Variants in DOCK11 observed in about 807,000 individuals in gnomAD.
The protein encoded by DOCK11 is dedicator of cytokinesis 11.
DOCK11 carries 70 observed loss-of-function variants against 169.1 expected under a neutral mutation model. The ratio of observed to expected loss-of-function variants is 0.41; its 90% CI spans 0.34 to 0.51. DOCK11 has a LOEUF of 0.51. Among genes scored for constraint, DOCK11 ranks in the 20% least tolerant of loss-of-function variants. The probability of loss-of-function intolerance (pLI) is 0.10; values close to 1 mark genes in which losing one functional copy is unlikely to be tolerated. For synonymous variants in DOCK11, 529 were observed against 541.3 expected (o/e 0.98, Z 0.32); for missense variants, 1,166 against 1,538.8 (o/e 0.76, Z 4.05).
rs1184911063 is a variant in DOCK11 at position 118,573,813 on chromosome X, C to T, written c.1184C>T (p.Pro395Leu). ...AACTGTTTTCATTCCCAGGTTGAGC[C>T]CTTTTTTATCAATCTTGCCTTATTT... ...NAKGPPTNVEPFFINLALFDV... is the reference protein window; with the variant it reads ...NAKGPPTNVELFFINLALFDV... The change falls in exon 12 of 53, where the codon CCC becomes CTC. Residue 395 changes from proline to leucine, a missense_variant. Physicochemically the swap from Pro to Leu is moderately conservative, Grantham distance 98 (BLOSUM62 -3). Coordinates refer to ENST00000276202, the MANE Select transcript of DOCK11 (RefSeq NM_144658.4). The T allele has an allele frequency of 1.7e-6, 2 of 1,202,655 alleles. No individual in the cohort carries two copies. The highest frequency in any genetic ancestry group is 2.2e-6 in the Non-Finnish European group (2 of 889,739).
chrX:118,676,798 CCTGA>C, intron 48 of DOCK11, 61 bp downstream of exon 48: 2 of 1,021,994 alleles, frequency 2.0e-6, no homozygotes, highest in Non-Finnish European at 2.6e-6. Flanking sequence ...GTACATTGCT[CCTGA>C]CTTTTTCCTT....
intron 1 of DOCK11, among the ~76,000 whole-genome samples, chrX:118,540,927 TA>T (rs1044781363): frequency 3.6e-5 from 4 of 112,018 alleles, no homozygotes; most frequent in Non-Finnish European, 7.5e-5. Flanking sequence ...ACATCATCAT[TA>T]AAAATTACTA....
intron 45 of DOCK11, among the ~76,000 whole-genome samples, chrX:118,669,053 G>A (rs531059526): frequency 4.5e-5 from 5 of 111,917 alleles, no homozygotes; most frequent in African/African-American, 9.7e-5. Context: ...TGAGTGATGC[G>A]GAGCCATTGC....
At chrX:118,600,659 C>G (rs907958600) in intron 23 of DOCK11, among the ~76,000 whole-genome samples, 5 of 110,920 alleles carry the variant, frequency 4.5e-5, no homozygotes, top group Non-Finnish European at 9.4e-5. Context: ...AAAACCAGCA[C>G]AATGAAGGGG....
intron 24 of DOCK11, among the ~76,000 whole-genome samples, chrX:118,606,881 C>T (rs1316771600): frequency 9.0e-6 from 1 of 110,798 alleles, no homozygotes; most frequent in Admixed American, 9.7e-5. Flanking sequence ...ATTAAAAGGG[C>T]CCACCAGGTG....
intron 36 of DOCK11, among the ~76,000 whole-genome samples, chrX:118,636,854 C>A (rs1227046045): frequency 5.4e-5 from 6 of 112,029 alleles, no homozygotes; most frequent in Admixed American, 2.8e-4. Flanking sequence ...CACACACACA[C>A]ACACACACAC....
chrX:118,640,020 A>G (rs187897326), intron 38 of DOCK11, among the ~76,000 whole-genome samples: 1 of 112,290 alleles, frequency 8.9e-6, no homozygotes, highest in African/African-American at 3.2e-5. Context: ...ATAATAGTAT[A>G]TGTAATATTT....
rs534576583 is a variant in DOCK11 at position 118,649,232 on chromosome X, T to C, written c.4581+105T>C. 1.0e-4 allele frequency: 60 copies of C among 586,714 alleles called. 1 individual carries two copies. In the African/African-American group the frequency reaches 1.2e-3, roughly 11 times the overall value. The allele number at this position is 586,714 out of a possible 1,213,427, so 48.4% of individuals were successfully genotyped here. ...TCCAGTCCAATACAATGTGGCCATC[T>C]AGCACTTGATGTGTGGCTAGTCTAA... is the stretch of plus-strand genomic sequence containing the variant. On this transcript the variant is annotated intron_variant, in intron 41 of 52. Transcript: ENST00000276202.
chrX:118,652,008 C>T lies in DOCK11; in HGVS notation c.4626C>T (p.Ser1542=), dbSNP rs1278500077. 8 of 1,207,170 alleles carry T rather than the reference C, an allele frequency of 6.6e-6. No homozygotes were observed. The highest frequency in any genetic ancestry group is 4.4e-5 in the Admixed American group (2 of 45,571). Residue 1542 remains serine, a synonymous_variant, in exon 42 of 53, where the codon AGC becomes AGT. Coordinates refer to ENST00000276202, the MANE Select transcript of DOCK11 (RefSeq NM_144658.4). Reference sequence around the variant, plus strand: ...AACTGATAGCTGATGTAGCACTAAGCGGAGGATCAAGATTTCAGGAGTCTT... The same window carrying T: ...AACTGATAGCTGATGTAGCACTAAGTGGAGGATCAAGATTTCAGGAGTCTT... ...VSQLIADVAL[S]GGSRFQESLF...
intron 1 of DOCK11, among the ~76,000 whole-genome samples, chrX:118,505,738 G>T (rs1278025227): frequency 8.9e-6 from 1 of 112,472 alleles, no homozygotes; most frequent in Non-Finnish European, 1.9e-5. Context: ...CGAGTTTAAT[G>T]AGTGAGTGGG....
intron 44 of DOCK11, among the ~76,000 whole-genome samples, chrX:118,655,320 A>T (rs1194212372): frequency 1.0e-5 from 1 of 97,282 alleles, no homozygotes; most frequent in Non-Finnish European, 2.0e-5. Context: ...ATAAAATATA[A>T]AATATAAAAA....
chrX:118,600,688 G>T (rs2014310484), intron 23 of DOCK11, among the ~76,000 whole-genome samples: 1 of 110,957 alleles, frequency 9.0e-6, no homozygotes, highest in Non-Finnish European at 1.9e-5. Flanking sequence ...TTTACAAGGG[G>T]TCCCTGTTTT....
intron 10 of DOCK11, among the ~76,000 whole-genome samples, chrX:118,569,862 T>G (rs1171593399): frequency 9.0e-6 from 1 of 111,473 alleles, no homozygotes; most frequent in Non-Finnish European, 1.9e-5. Context: ...ATGACTGGGC[T>G]CTAGTTGGAC....
intron 36 of DOCK11, among the ~76,000 whole-genome samples, 153 bp from the exon 37 acceptor site, chrX:118,637,923 CAATT>C (rs1458308169): frequency 1.8e-5 from 2 of 111,669 alleles, no homozygotes; most frequent in Non-Finnish European, 3.8e-5. Context: ...GGCAAGCCCG[CAATT>C]AATTATCTAT....
At chrX:118,568,032 CTG>C (rs748855406) in intron 9 of DOCK11, 45 bp from the exon 10 acceptor site, 32 of 720,173 alleles carry the variant, frequency 4.4e-5, no homozygotes, top group Non-Finnish European at 6.1e-5. Context: ...GTATTTAACA[CTG>C]TTTTGAAGGA....
At chrX:118,662,604 A>G (rs1286924231) in intron 44 of DOCK11, 82 bp from the exon 45 acceptor site, 1 of 484,018 alleles carries the variant, frequency 2.1e-6, no homozygotes, top group East Asian at 3.6e-5. Context: ...TTTATTTTAA[A>G]TAGCCCATCT....
intron 32 of DOCK11, 87 bp downstream of exon 32, chrX:118,624,742 C>T: frequency 4.6e-6 from 2 of 436,857 alleles, no homozygotes; most frequent in Non-Finnish European, 3.8e-6. Flanking sequence ...TGATCTCAAC[C>T]TTAAGAGTTC....
At chrX:118,580,002 A>T (rs1215122680) in intron 13 of DOCK11, 95 bp from the exon 14 acceptor site, 4 of 654,202 alleles carry the variant, frequency 6.1e-6, no homozygotes, top group Non-Finnish European at 8.9e-6. Flanking sequence ...GAGATTTTTG[A>T]TGTTTTGTAA....
chrX:118,611,642 A>G (rs780861123), intron 28 of DOCK11, among the ~76,000 whole-genome samples: 2 of 112,967 alleles, frequency 1.8e-5, no homozygotes, highest in African/African-American at 6.4e-5. Context: ...ATACCAGAAG[A>G]AAACTATATT....
Sources: allele counts gnomAD v4.1 joint callset (sites outside exome capture counted in the v4.1 genomes callset), GRCh38; gene constraint gnomAD v4.1.1; transcripts MANE v1.5; gene names NCBI Gene and HGNC (gene_info 2026-07-23, HGNC 2026-07-21).